The following CPNE4 variants were observed in gnomAD, a reference collection of about 807,000 sequenced individuals.
CPNE4 encodes the protein copine 4, also known as copine-4.
Under a neutral mutation model 67.9 loss-of-function variants are expected in CPNE4, and 25 were observed. The ratio of observed to expected loss-of-function variants is 0.37; its 90% confidence interval spans 0.27 to 0.51. CPNE4 has a LOEUF of 0.51. Ranked by LOEUF, CPNE4 falls within the 20% of genes least tolerant of loss-of-function variation. The pLI, the probability that CPNE4 is intolerant of heterozygous loss-of-function variation, is 0.93. For synonymous variants in CPNE4, 242 were observed against 244.9 expected, an observed-to-expected ratio of 0.99 and a Z score of 0.11; for missense variants, 464 against 690.8, an observed-to-expected ratio of 0.67 and a Z score of 3.68.
At chr3:132,022,926 T>C (rs2074028302) in intron 1 of CPNE4, among the ~76,000 whole-genome samples, 1 of 152,198 alleles carries the variant, frequency 6.6e-6, no homozygotes, top group African/African-American at 2.4e-5. Context: ...TCTGAGTTCA[T>C]TGATCACCGA....
intron 7 of CPNE4, among the ~76,000 whole-genome samples, chr3:131,650,403 G>A (rs921951402): frequency 2.6e-5 from 4 of 152,090 alleles, no homozygotes. Context: ...CATAATTTAG[G>A]TGAAGGAAGA....
rs1212913380 is a variant in CPNE4 at position 131,738,908 on chromosome 3, G to A, written c.181-15283C>T. On this transcript the variant is annotated intron_variant, in intron 2 of 15. Coordinates refer to ENST00000429747, the MANE Select transcript of CPNE4 (RefSeq NM_130808.3). ...TTGCTCTCGTCGCCCAGGCTAGAGT[G>A]CAGTGGTGCAATCTCAGGTCACTTC... Among the ~76,000 whole-genome samples, 4 of 145,786 alleles carry A rather than the reference G, an allele frequency of 2.7e-5. 1 individual carries two copies. Among genetic ancestry groups the A allele is most frequent in the South Asian group, 4.3e-4 (2 of 4,660 alleles).
chr3:131,909,774 A>G (rs1403123417), intron 1 of CPNE4, among the ~76,000 whole-genome samples: 1 of 152,188 alleles, frequency 6.6e-6, no homozygotes, highest in Non-Finnish European at 1.5e-5. Context: ...GGATTGATAC[A>G]TGCAATCACT....
chr3:131,736,292 AAG>A (rs1583107861), intron 2 of CPNE4, among the ~76,000 whole-genome samples: 1 of 152,174 alleles, frequency 6.6e-6, no homozygotes, highest in East Asian at 1.9e-4. Context: ...CTTGAAACCA[AAG>A]AGTTTGCAAC....
chr3:131,792,607 G>GTGTGTGTATA (rs1489338463), intron 2 of CPNE4, among the ~76,000 whole-genome samples: 1,345 of 77,812 alleles, frequency 0.017, 204 homozygotes, highest in African/African-American at 0.039. Context: ...GTATATGTGT[G>GTGTGTGTATA]TGTGTATATA....
chr3:131,956,330 T>C (rs2071971149), intron 1 of CPNE4, among the ~76,000 whole-genome samples: 1 of 152,330 alleles, frequency 6.6e-6, no homozygotes, highest in Admixed American at 6.5e-5. Context: ...ATTGGCTTGA[T>C]GTATTTCTTA....
At chr3:131,966,814 G>A (rs1486480810) in intron 1 of CPNE4, among the ~76,000 whole-genome samples, 1 of 152,128 alleles carries the variant, frequency 6.6e-6, no homozygotes, top group African/African-American at 2.4e-5. Flanking sequence ...AAGCAGAGCT[G>A]GTACCTTTCC....
chr3:131,873,528 A>G (rs2087304714), intron 2 of CPNE4, among the ~76,000 whole-genome samples: 1 of 152,216 alleles, frequency 6.6e-6, no homozygotes, highest in South Asian at 2.1e-4. Flanking sequence ...ACTCTGAGGC[A>G]TCTGGTGTTC....
At chr3:131,758,607 G>A (rs2082812156) in intron 2 of CPNE4, among the ~76,000 whole-genome samples, 1 of 152,114 alleles carries the variant, frequency 6.6e-6, no homozygotes, top group Admixed American at 6.5e-5. Flanking sequence ...GAGACTGTTG[G>A]GAAGGCATGA....
chr3:131,828,972 A>G (rs2085270194), intron 2 of CPNE4, among the ~76,000 whole-genome samples: 1 of 152,220 alleles, frequency 6.6e-6, no homozygotes, highest in African/African-American at 2.4e-5. Flanking sequence ...CAATTTACAA[A>G]AGAAAGAGGT....
intron 2 of CPNE4, among the ~76,000 whole-genome samples, chr3:131,849,693 C>T (rs772163758): frequency 3.3e-5 from 5 of 152,064 alleles, no homozygotes; most frequent in South Asian, 2.1e-4. Flanking sequence ...TCTTGCTCTC[C>T]GGGACTTTTG....
rs1027268838 is a variant in CPNE4, at chr3:131,575,007, A to C, written c.927+64T>G. The C allele has an allele frequency of 7.2e-6, 10 of 1,393,716 alleles. No homozygotes were observed. The African/African-American group carries it at 1.1e-4, about 16-fold the overall frequency. The allele number at this position is 1,393,716 out of a possible 1,614,324, so 86.3% of individuals were successfully genotyped here. A position where few individuals can be genotyped will look rare whatever the true frequency, so the allele number is the denominator to read the frequency against. Reference sequence around the variant, plus strand: ...TTTTGTCTCTTTATCCCCCAAACCCAGTGCCACCCCTCATCTCTTGATTCC... The same window carrying C: ...TTTTGTCTCTTTATCCCCCAAACCCCGTGCCACCCCTCATCTCTTGATTCC... On this transcript the variant is annotated intron_variant, in intron 10 of 15. Coordinates refer to ENST00000429747, the MANE Select transcript of CPNE4 (RefSeq NM_130808.3).
chr3:131,750,563 T>C (rs1351738722), intron 2 of CPNE4, among the ~76,000 whole-genome samples: 1 of 152,164 alleles, frequency 6.6e-6, no homozygotes. Context: ...ATGGAAACTT[T>C]ACTTTCCCCA....
At chr3:131,959,739 A>C (rs2107916939) in intron 1 of CPNE4, among the ~76,000 whole-genome samples, 1 of 152,244 alleles carries the variant, frequency 6.6e-6, no homozygotes, top group African/African-American at 2.4e-5. Flanking sequence ...TCTCAGTTGC[A>C]ATTTAGGGTG....
chr3:131,577,614 C>T (rs867735003), intron 9 of CPNE4, among the ~76,000 whole-genome samples: 7 of 152,056 alleles, frequency 4.6e-5, no homozygotes, highest in African/African-American at 1.4e-4. Flanking sequence ...AAATGGCACA[C>T]CTGTATAGAG....
At chr3:131,971,833 G>C (rs1231288708) in intron 1 of CPNE4, among the ~76,000 whole-genome samples, 1 of 152,158 alleles carries the variant, frequency 6.6e-6, no homozygotes, top group African/African-American at 2.4e-5. Context: ...CACAGCCCCA[G>C]GCAGGCATGC....
At chr3:131,643,519 G>A (rs2079588416) in intron 7 of CPNE4, among the ~76,000 whole-genome samples, 1 of 152,152 alleles carries the variant, frequency 6.6e-6, no homozygotes, top group African/African-American at 2.4e-5. Context: ...CTTTGGACTT[G>A]GATTTTTGGG....
chr3:131,931,427 A>T (rs1195982242), intron 1 of CPNE4, among the ~76,000 whole-genome samples: 1 of 152,164 alleles, frequency 6.6e-6, no homozygotes, highest in Non-Finnish European at 1.5e-5. Context: ...AGAGAACAAC[A>T]TTCATACCTA....
At chr3:131,631,217 T>C (rs2079212714) in intron 7 of CPNE4, among the ~76,000 whole-genome samples, 1 of 152,234 alleles carries the variant, frequency 6.6e-6, no homozygotes, top group Non-Finnish European at 1.5e-5. Context: ...ATAATCATTT[T>C]CTGAATCCCA....
Sources: allele counts gnomAD v4.1 joint callset (sites outside exome capture counted in the v4.1 genomes callset), GRCh38; gene constraint gnomAD v4.1.1; transcripts MANE v1.5; gene names NCBI Gene and HGNC (gene_info 2026-07-23, HGNC 2026-07-21).